The following KIF13B variants were observed in gnomAD, a reference collection of about 807,000 sequenced individuals.
The protein encoded by KIF13B is kinesin family member 13B.
KIF13B carries 127 observed loss-of-function variants against 222.0 expected under a neutral mutation model. That is an observed-to-expected ratio of 0.57 (90% CI 0.50 to 0.66). The LOEUF is 0.66. Ranked by LOEUF, KIF13B falls within the 30% of genes least tolerant of loss-of-function variation. KIF13B has a pLI of 0.00. For missense variants in KIF13B, 2,173 were observed against 2,379.0 expected (o/e 0.91, Z 1.80); for synonymous variants, 976 against 919.0 (o/e 1.06, Z -1.12).
At chr8:29,144,842 G>GAA (rs1810983013) in intron 18 of KIF13B, among the ~76,000 whole-genome samples, 1 of 152,214 alleles carries the variant, frequency 6.6e-6, no homozygotes, top group Non-Finnish European at 1.5e-5. Flanking sequence ...AAAGACTACA[G>GAA]AGTCAGCCTA....
At chr8:29,090,082 A>G (rs1019111721) in intron 37 of KIF13B, among the ~76,000 whole-genome samples, 3 of 152,160 alleles carry the variant, frequency 2.0e-5, no homozygotes, top group African/African-American at 7.2e-5. Flanking sequence ...CAGAGCTCTT[A>G]GACTGAAGGC....
chr8:29,160,885 G>T lies in KIF13B; in HGVS notation c.1270-18C>A. On this transcript the variant is annotated intron_variant, in intron 12 of 39. Coordinates refer to ENST00000524189, the MANE Select transcript of KIF13B (RefSeq NM_015254.4). ...TGTCGTTCCTGTAAATGTTATCAGAGAAGTATTAATTTCACAGCTATTGAG... is the reference window on the plus strand; with the variant it reads ...TGTCGTTCCTGTAAATGTTATCAGATAAGTATTAATTTCACAGCTATTGAG... 6.2e-7 allele frequency: 1 copy of T among 1,609,666 alleles called. No individual in the cohort carries two copies. The highest frequency in any genetic ancestry group is 8.5e-7 in the Non-Finnish European group (1 of 1,177,120).
chr8:29,196,442 G>A (rs1813427045), intron 2 of KIF13B, among the ~76,000 whole-genome samples: 1 of 152,198 alleles, frequency 6.6e-6, no homozygotes, highest in South Asian at 2.1e-4. Context: ...AAGGAGGACT[G>A]AGCACAGATA....
At position 29,133,507 on chromosome 8, in the gene KIF13B, C is replaced by T. The variant is rs572990270; in HGVS notation, c.2784+533G>A. ...TTGGGAGGCTGAGGCAGGAGAATCG[C>T]TTGAACCCAGGAGGCAGGGGTTGCA... On this transcript the variant is annotated intron_variant, in intron 22 of 39. Coordinates refer to ENST00000524189, the MANE Select transcript of KIF13B (RefSeq NM_015254.4). Among the ~76,000 whole-genome samples the T allele has an allele frequency of 2.0e-5, 3 of 152,304 alleles. No homozygotes were observed. In the East Asian group the frequency reaches 5.8e-4, roughly 29 times the overall value.
chr8:29,136,027 A>G lies in KIF13B; in HGVS notation c.2614-1817T>C, dbSNP rs1400177475. ...CAAACAGGAACCCCCGTTATAATTC[A>G]TCTTTTCTGTGATGTCAACAGAAGT... On this transcript the variant is annotated intron_variant, in intron 21 of 39. Coordinates refer to ENST00000524189, the MANE Select transcript of KIF13B (RefSeq NM_015254.4). Among the ~76,000 whole-genome samples, 14 of 152,322 alleles carry G rather than the reference A, an allele frequency of 9.2e-5. No individual in the cohort carries two copies. In the East Asian group the frequency reaches 2.3e-3, roughly 25 times the overall value.
intron 18 of KIF13B, among the ~76,000 whole-genome samples, chr8:29,143,960 T>A (rs1236764889): frequency 6.6e-6 from 1 of 151,424 alleles, no homozygotes; most frequent in African/African-American, 2.4e-5. Flanking sequence ...GCAATGTGGA[T>A]TTTTTTCAGA....
rs780092735 is a variant in KIF13B, at chr8:29,109,402, G to C, written c.4161+32C>G. ...AAAGAGGAGAGGAGAGAAGTCCCAG[G>C]CACAGCACAGAGCTTGGTTCCACAC... On this transcript the variant is annotated intron_variant, in intron 34 of 39. Transcript: ENST00000524189. 31 of 1,530,434 alleles carry C rather than the reference G, an allele frequency of 2.0e-5. No individual in the cohort carries two copies. In the African/African-American group the frequency reaches 2.7e-4, roughly 13 times the overall value. 94.8% of individuals were successfully genotyped at this position (1,530,434 alleles called of 1,614,324 possible). A position where few individuals can be genotyped will look rare whatever the true frequency, so the allele number is the denominator to read the frequency against.
At chr8:29,142,836 AAAAT>A (rs1417886244) in intron 18 of KIF13B, among the ~76,000 whole-genome samples, 2 of 151,956 alleles carry the variant, frequency 1.3e-5, no homozygotes, top group South Asian at 2.1e-4. Flanking sequence ...GAGACTCTCA[AAAAT>A]AAATAAATAT....
chr8:29,122,897 T>C (rs1809940432), intron 28 of KIF13B, among the ~76,000 whole-genome samples: 2 of 152,240 alleles, frequency 1.3e-5, no homozygotes. Flanking sequence ...TGTTTAAACC[T>C]ACTTTCTTAT....
chr8:29,224,611 T>A (rs970474755), intron 2 of KIF13B, among the ~76,000 whole-genome samples: 1 of 152,196 alleles, frequency 6.6e-6, no homozygotes, highest in East Asian at 1.9e-4. Context: ...ATTTCATTTG[T>A]AAGTTACTGA....
At chr8:29,077,844 C>T (rs1452167698) in intron 37 of KIF13B, among the ~76,000 whole-genome samples, 3 of 152,104 alleles carry the variant, frequency 2.0e-5, no homozygotes, top group Non-Finnish European at 2.9e-5. Flanking sequence ...TCCTACCATG[C>T]GGGGGGCGTG....
At chr8:29,157,942 T>A (rs1278029811) in intron 13 of KIF13B, among the ~76,000 whole-genome samples, 1 of 152,014 alleles carries the variant, frequency 6.6e-6, no homozygotes, top group African/African-American at 2.4e-5. Context: ...AACCTGTCCC[T>A]GCCTGTCTCT....
chr8:29,192,993 C>A (rs1432549737), intron 3 of KIF13B, among the ~76,000 whole-genome samples: 1 of 151,716 alleles, frequency 6.6e-6, no homozygotes, highest in Non-Finnish European at 1.5e-5. Flanking sequence ...ACCAGAAGGG[C>A]AACTAAAGGG....
chr8:29,110,462 T>C (rs1196361809), intron 32 of KIF13B: 2 of 228,908 alleles, frequency 8.7e-6, no homozygotes, highest in South Asian at 5.6e-5. Flanking sequence ...GGGGCTGGGG[T>C]GACTGCTACA....
chr8:29,116,180 C>T (rs780934356), intron 31 of KIF13B, among the ~76,000 whole-genome samples: 3 of 152,354 alleles, frequency 2.0e-5, no homozygotes, highest in Admixed American at 6.5e-5. Context: ...AGCAGGCGTG[C>T]GCCACTGCAC....
chr8:29,133,893 T>G, intron 22 of KIF13B, 147 bp downstream of exon 22: 3 of 722,584 alleles, frequency 4.2e-6, no homozygotes, highest in Non-Finnish European at 6.7e-6. Context: ...TATAGATGCA[T>G]TGACACTTTT....
intron 26 of KIF13B, among the ~76,000 whole-genome samples, chr8:29,125,355 T>A (rs1208923322): frequency 6.6e-6 from 1 of 152,170 alleles, no homozygotes; most frequent in South Asian, 2.1e-4. Context: ...GCAGATATAG[T>A]GTGTCTGGGC....
intron 3 of KIF13B, among the ~76,000 whole-genome samples, chr8:29,193,397 CT>C (rs933428599): frequency 2.0e-4 from 30 of 152,204 alleles, no homozygotes; most frequent in African/African-American, 5.5e-4. Context: ...GCCTTGCAAA[CT>C]CCAGGTGTCA....
chr8:29,242,914 C>T (rs1815844206), intron 2 of KIF13B, among the ~76,000 whole-genome samples: 1 of 152,024 alleles, frequency 6.6e-6, no homozygotes. Flanking sequence ...CATGTTAGTC[C>T]CCAAGACTCC....
Sources: gnomAD v4.1 joint callset for allele counts (sites outside exome capture counted in the v4.1 genomes callset) on GRCh38, gnomAD v4.1.1 for gene constraint, MANE v1.5 for transcripts, NCBI Gene and HGNC (gene_info 2026-07-23, HGNC 2026-07-21) for gene names.